The following VPS8 variants were observed in gnomAD, a reference collection of about 807,000 sequenced individuals.
The protein encoded by VPS8 is vacuolar protein sorting-associated protein 8 homolog.
VPS8 carries 129 observed loss-of-function variants against 216.4 expected under a neutral mutation model. That is an observed-to-expected ratio of 0.60 (90% confidence interval 0.52 to 0.69). VPS8 has a LOEUF of 0.69. Among genes scored for constraint, VPS8 ranks in the 30% least tolerant of loss-of-function variants. The pLI is 0.00. For synonymous variants in VPS8, 571 were observed against 565.4 expected (o/e 1.01, Z -0.14); for missense variants, 1,531 against 1,683.5 (o/e 0.91, Z 1.59).
chr3:185,011,529 G>C (rs974209104), intron 45 of VPS8, among the ~76,000 whole-genome samples: 1 of 152,224 alleles, frequency 6.6e-6, no homozygotes, highest in African/African-American at 2.4e-5. Flanking sequence ...TCCAAATTGT[G>C]TACAGACAGA....
intron 40 of VPS8, among the ~76,000 whole-genome samples, chr3:184,979,563 G>A (rs1230516930): frequency 1.3e-5 from 2 of 152,062 alleles, no homozygotes; most frequent in East Asian, 3.9e-4. Flanking sequence ...ACCTTTATTT[G>A]TCTTTTTTGT....
chr3:184,970,110 C>T (rs1406035536), intron 39 of VPS8, among the ~76,000 whole-genome samples: 3 of 151,750 alleles, frequency 2.0e-5, no homozygotes, highest in Non-Finnish European at 1.5e-5. Flanking sequence ...GGGGTTCCAC[C>T]ATCTTGGCCA....
intron 47 of VPS8, among the ~76,000 whole-genome samples, chr3:185,051,158 G>A (rs6444018): frequency 0.5 from 76,106 of 151,888 alleles, 19,357 homozygotes; most frequent in Middle Eastern, 0.64. Flanking sequence ...CTGAGTGGCA[G>A]AGCACTGGCT....
rs773178623 is a variant in VPS8 at position 184,929,617 on chromosome 3, C to A, written c.2752C>A (p.Gln918Lys). 6.5e-7 allele frequency: 1 copy of A among 1,536,334 alleles called. No individual in the cohort carries two copies. The highest frequency in any genetic ancestry group is 8.8e-7 in the Non-Finnish European group (1 of 1,136,992). Residue 918 changes from glutamine to lysine, a missense_variant, in exon 33 of 48, where the codon CAA becomes AAA. Gln to Lys is a moderately conservative substitution (Grantham distance 53, BLOSUM62 1). Around this residue, in one of 3 missense-constraint regions of VPS8, gnomAD observed 1,318 missense variants for 1,468.4 expected, o/e 0.90. Coordinates refer to ENST00000625842, the MANE Select transcript of VPS8 (RefSeq NM_001009921.3). ...TGAATTTATGTATGAAAGAGAACAC[C>A]AATATGATAAAATTATTGATTGCTA... is the stretch of plus-strand genomic sequence containing the variant. ...ICEFMYEREH[Q>K]YDKIIDCYLR... is the part of the protein sequence containing the mutation.
At chr3:184,934,019 C>T (rs1171575120) in intron 34 of VPS8, among the ~76,000 whole-genome samples, 1 of 152,160 alleles carries the variant, frequency 6.6e-6, no homozygotes, top group Non-Finnish European at 1.5e-5. Context: ...TGCACTGAAT[C>T]TATCAATAAT....
At chr3:184,991,559 A>G (rs2109832335) in intron 42 of VPS8, among the ~76,000 whole-genome samples, 1 of 152,284 alleles carries the variant, frequency 6.6e-6, no homozygotes, top group South Asian at 2.1e-4. Context: ...TTAACCTTTT[A>G]AGACCTCTTT....
intron 2 of VPS8, 34 bp downstream of exon 2, chr3:184,824,819 T>TGA (rs1718372543): frequency 6.4e-7 from 1 of 1,562,516 alleles, no homozygotes; most frequent in Admixed American, 1.9e-5. Flanking sequence ...GTGATAATGT[T>TGA]TAACCAGTGT....
intron 46 of VPS8, among the ~76,000 whole-genome samples, chr3:185,039,930 T>TC (rs1300116391): frequency 6.6e-6 from 1 of 152,194 alleles, no homozygotes; most frequent in Non-Finnish European, 1.5e-5. Context: ...TTGTTCCTTA[T>TC]CTGCTATCTT....
chr3:184,827,704 TGTGA>T (rs1719083342), intron 3 of VPS8, among the ~76,000 whole-genome samples: 1 of 152,236 alleles, frequency 6.6e-6, no homozygotes, highest in Non-Finnish European at 1.5e-5. Context: ...CTTTCTTATC[TGTGA>T]GTAACAGTAA....
intron 8 of VPS8, 66 bp downstream of exon 8, chr3:184,843,311 G>A (rs1722529401): frequency 1.0e-5 from 12 of 1,199,304 alleles, no homozygotes; most frequent in Non-Finnish European, 1.3e-5. Flanking sequence ...GGAAGAGAAT[G>A]CTACCAATTA....
chr3:184,886,585 CT>C (rs554512208), intron 22 of VPS8, among the ~76,000 whole-genome samples: 166 of 145,336 alleles, frequency 1.1e-3, no homozygotes, highest in East Asian at 3.6e-3. Flanking sequence ...GGTATATATA[CT>C]TTTTTTTTTT....
chr3:184,998,752 C>T (rs781245875), intron 44 of VPS8, among the ~76,000 whole-genome samples: 6 of 151,886 alleles, frequency 4.0e-5, no homozygotes, highest in Non-Finnish European at 8.8e-5. Context: ...ATAAGAATAG[C>T]GTAAGGATTT....
At chr3:184,918,496 T>G (rs1738012256) in intron 28 of VPS8, among the ~76,000 whole-genome samples, 1 of 152,208 alleles carries the variant, frequency 6.6e-6, no homozygotes, top group Admixed American at 6.5e-5. Context: ...ATGTGCCATT[T>G]TGGTGGCAGA....
intron 36 of VPS8, among the ~76,000 whole-genome samples, chr3:184,950,981 G>T (rs1744605609): frequency 6.6e-6 from 1 of 152,102 alleles, no homozygotes; most frequent in African/African-American, 2.4e-5. Flanking sequence ...TGGGCATTTG[G>T]CTTGGTTCCA....
chr3:184,885,460 T>C (rs181266090), intron 21 of VPS8, among the ~76,000 whole-genome samples: 1 of 152,206 alleles, frequency 6.6e-6, no homozygotes, highest in Admixed American at 6.5e-5. Flanking sequence ...GTGTACATGA[T>C]GAATTTAAAG....
chr3:185,050,272 A>G (rs1713916792), intron 47 of VPS8, among the ~76,000 whole-genome samples: 1 of 152,100 alleles, frequency 6.6e-6, no homozygotes, highest in African/African-American at 2.4e-5. Flanking sequence ...GGCAACTGAG[A>G]GGGTTACGGA....
chr3:184,902,356 G>T (rs1291980814), intron 25 of VPS8, among the ~76,000 whole-genome samples: 1 of 151,544 alleles, frequency 6.6e-6, no homozygotes, highest in Admixed American at 6.6e-5. Flanking sequence ...GGTGCCTGTA[G>T]TCCCAGCTAC....
intron 8 of VPS8, among the ~76,000 whole-genome samples, chr3:184,847,174 G>T (rs1234884410): frequency 6.6e-6 from 1 of 151,906 alleles, no homozygotes; most frequent in Non-Finnish European, 1.5e-5. Context: ...CAAAATGATT[G>T]AAAAAAATAG....
chr3:184,836,809 G>A (rs1175728311), intron 5 of VPS8, among the ~76,000 whole-genome samples: 1 of 152,128 alleles, frequency 6.6e-6, no homozygotes, highest in East Asian at 1.9e-4. Flanking sequence ...ACAGTTTTGG[G>A]ATTCATGCAT....
Sources: gnomAD v4.1 joint callset for allele counts (sites outside exome capture counted in the v4.1 genomes callset) on GRCh38, gnomAD v4.1.1 for gene constraint, gnomAD v4.1.1 regional missense constraint, MANE v1.5 for transcripts, NCBI Gene and HGNC (gene_info 2026-07-23, HGNC 2026-07-21) for gene names.